The following DIP2C variants were observed in gnomAD, a reference collection of about 807,000 sequenced individuals.
DIP2C encodes the protein DIP2 acetate--CoA ligase C (putative).
A neutral mutation model predicts 192.4 loss-of-function variants in DIP2C; 33 were observed. The observed-to-expected ratio is 0.17, with a 90% CI of 0.13 to 0.23. The LOEUF (loss-of-function observed/expected upper bound fraction) is 0.23, where lower values mean the gene tolerates loss of function less well. Ranked by LOEUF, DIP2C falls within the 10% of genes least tolerant of loss-of-function variation. The pLI, the probability that DIP2C is intolerant of heterozygous loss-of-function variation, is 1.00. For missense variants in DIP2C, 1,537 were observed against 2,110.1 expected (o/e 0.73, Z 5.32); for synonymous variants, 979 against 864.1 (o/e 1.13, Z -2.33).
chr10:449,221 C>G (rs1564726831), intron 3 of DIP2C, among the ~76,000 whole-genome samples: 1 of 152,076 alleles, frequency 6.6e-6, no homozygotes, highest in African/African-American at 2.4e-5. Flanking sequence ...CACTCACCCC[C>G]GTCGATACTC....
At chr10:638,564 C>A (rs1020620134) in intron 1 of DIP2C, among the ~76,000 whole-genome samples, 13 of 152,192 alleles carry the variant, frequency 8.5e-5, no homozygotes, top group Non-Finnish European at 1.6e-4. Flanking sequence ...CAAGACATAA[C>A]ATAAATAAGT....
chr10:537,845 G>A (rs935345137), intron 1 of DIP2C, among the ~76,000 whole-genome samples: 1 of 151,516 alleles, frequency 6.6e-6, no homozygotes, highest in Non-Finnish European at 1.5e-5. Context: ...AGGCTGGAGT[G>A]CAGTGGCGAT....
chr10:552,062 T>C (rs1848620137), intron 1 of DIP2C, among the ~76,000 whole-genome samples: 1 of 152,188 alleles, frequency 6.6e-6, no homozygotes, highest in African/African-American at 2.4e-5. Context: ...TTGCACTGAA[T>C]CCTGGGTGAG....
chr10:500,716 C>T (rs1412828322), intron 1 of DIP2C, among the ~76,000 whole-genome samples: 1 of 152,170 alleles, frequency 6.6e-6, no homozygotes, highest in Non-Finnish European at 1.5e-5. Flanking sequence ...TACAGGGATG[C>T]TTAATTCAAT....
intron 29 of DIP2C, chr10:340,719 C>T (rs571923708): frequency 3.5e-5 from 16 of 456,280 alleles, no homozygotes; most frequent in Middle Eastern, 3.3e-4. Context: ...AGCCAGGCTC[C>T]GAGCCGGCTG....
chr10:414,473 T>C (rs954340377), intron 7 of DIP2C, among the ~76,000 whole-genome samples: 4 of 152,116 alleles, frequency 2.6e-5, no homozygotes, highest in Non-Finnish European at 4.4e-5. Flanking sequence ...CCAAATTGCT[T>C]AAATCTTGCT....
intron 1 of DIP2C, chr10:668,820 G>C (rs4881503): frequency 0.9 from 137,474 of 152,306 alleles, 62,673 homozygotes; most frequent in South Asian, 0.97. Context: ...ATTCAAGCAT[G>C]TTTATCATCT....
intron 1 of DIP2C, among the ~76,000 whole-genome samples, chr10:556,082 AC>A (rs1848844498): frequency 2.1e-5 from 1 of 47,816 alleles, no homozygotes; most frequent in Non-Finnish European, 3.9e-5. Flanking sequence ...GACAGCACCC[AC>A]CCACCCCCCC....
intron 21 of DIP2C, 141 bp from the exon 22 acceptor site, chr10:362,832 G>C: frequency 1.0e-6 from 1 of 991,300 alleles, no homozygotes; most frequent in Non-Finnish European, 1.4e-6. Flanking sequence ...GCCAAGGTAA[G>C]AGAAAGGATT....
intron 32 of DIP2C, among the ~76,000 whole-genome samples, chr10:309,307 A>AG: frequency 6.6e-6 from 1 of 152,110 alleles, no homozygotes; most frequent in South Asian, 2.1e-4. Flanking sequence ...TTTTCTTCTC[A>AG]GGGGGCGCTT....
intron 1 of DIP2C, among the ~76,000 whole-genome samples, chr10:634,623 G>A (rs1854728147): frequency 6.6e-6 from 1 of 152,066 alleles, no homozygotes; most frequent in East Asian, 1.9e-4. Flanking sequence ...GTGTTGGTGA[G>A]CACCTATAAT....
At chr10:545,028 G>A (rs1186155080) in intron 1 of DIP2C, among the ~76,000 whole-genome samples, 3 of 152,092 alleles carry the variant, frequency 2.0e-5, no homozygotes, top group African/African-American at 4.8e-5. Context: ...GTAATGAGCT[G>A]AACTGTGTCC....
intron 1 of DIP2C, among the ~76,000 whole-genome samples, chr10:580,461 A>C (rs1850556341): frequency 6.6e-6 from 1 of 152,220 alleles, no homozygotes; most frequent in African/African-American, 2.4e-5. Flanking sequence ...ATGTATGTAC[A>C]CATATGCAGT....
intron 1 of DIP2C, among the ~76,000 whole-genome samples, chr10:609,292 A>T (rs1350763623): frequency 6.6e-6 from 1 of 152,210 alleles, no homozygotes; most frequent in African/African-American, 2.4e-5. Context: ...TGGTGATGGA[A>T]ATTAGGAAGA....
intron 2 of DIP2C, chr10:484,986 T>G (rs1333694642): frequency 1.3e-6 from 2 of 1,554,728 alleles, no homozygotes; most frequent in African/African-American, 1.4e-5. Flanking sequence ...AATTCAAACT[T>G]TAGTTTTTTT....
intron 1 of DIP2C, among the ~76,000 whole-genome samples, chr10:561,052 C>T (rs189000711): frequency 4.6e-5 from 7 of 152,266 alleles, no homozygotes; most frequent in Admixed American, 2.6e-4. Context: ...GTTGTCCCCG[C>T]GTTTCCAGAT....
chr10:281,049 C>T (rs1954793562), intron 36 of DIP2C, 151 bp downstream of exon 36: 1 of 1,133,662 alleles, frequency 8.8e-7, no homozygotes, highest in Admixed American at 2.4e-5. Flanking sequence ...GTTGCTTTAA[C>T]CCCAAAAGAT....
intron 8 of DIP2C, among the ~76,000 whole-genome samples, chr10:409,958 G>A (rs757915718): frequency 1.3e-4 from 20 of 152,320 alleles, no homozygotes; most frequent in Admixed American, 3.3e-4. Context: ...GTTAGAAGAC[G>A]TGATAATGCT....
intron 1 of DIP2C, among the ~76,000 whole-genome samples, chr10:557,750 T>TGGGAAG (rs1848968621): frequency 5.9e-5 from 1 of 17,090 alleles, no homozygotes; most frequent in Non-Finnish European, 9.9e-5. Flanking sequence ...AGAGGATGGG[T>TGGGAAG]GGGAAGGGGG....
Sources: allele counts gnomAD v4.1 joint callset (sites outside exome capture counted in the v4.1 genomes callset), GRCh38; gene constraint gnomAD v4.1.1; transcripts MANE v1.5; gene names NCBI Gene and HGNC (gene_info 2026-07-23, HGNC 2026-07-21).